The following PPP2R2C variants were observed in gnomAD, a reference collection of about 807,000 sequenced individuals.
PPP2R2C encodes protein phosphatase 2 regulatory subunit Bgamma, also known as protein phosphatase 2, regulatory subunit B, gamma.
In PPP2R2C, 10 loss-of-function variants were observed where a neutral mutation model predicts 45.3. That is an observed-to-expected ratio of 0.22 (90% CI 0.14 to 0.37). The LOEUF is 0.37. PPP2R2C is among the 10% of genes least tolerant of loss of function. The pLI is 1.00. For missense variants in PPP2R2C, 308 were observed against 619.7 expected (o/e 0.50, Z 5.34); for synonymous variants, 257 against 245.4 (o/e 1.05, Z -0.44).
intron 1 of PPP2R2C, among the ~76,000 whole-genome samples, chr4:6,540,679 C>G (rs1478132441): frequency 6.6e-6 from 1 of 152,238 alleles, no homozygotes; most frequent in Non-Finnish European, 1.5e-5. Context: ...TACACCATTT[C>G]ACGTTCCCAC....
intron 2 of PPP2R2C, among the ~76,000 whole-genome samples, chr4:6,511,576 G>A (rs1577229518): frequency 3.5e-5 from 1 of 28,984 alleles, no homozygotes; most frequent in African/African-American, 1.2e-4. Flanking sequence ...GGTGGTGATG[G>A]CGGTGGTGGT....
intron 1 of PPP2R2C, among the ~76,000 whole-genome samples, chr4:6,399,316 T>C (rs7699696): frequency 0.28 from 41,987 of 152,114 alleles, 6,568 homozygotes; most frequent in East Asian, 0.71. Context: ...GGAGAGGAAG[T>C]GCCAGCAGCC....
At chr4:6,393,619 C>T (rs1207864597) in intron 1 of PPP2R2C, among the ~76,000 whole-genome samples, 3 of 152,318 alleles carry the variant, frequency 2.0e-5, no homozygotes, top group South Asian at 4.1e-4. Flanking sequence ...GAGCCAGACC[C>T]AGCGTGGAAG....
At chr4:6,333,455 A>C in intron 7 of PPP2R2C, 107 bp downstream of exon 7, 1 of 1,296,738 alleles carries the variant, frequency 7.7e-7, no homozygotes, top group South Asian at 1.5e-5. Flanking sequence ...CTTCACCTAC[A>C]TACCGGGCAT....
At chr4:6,465,238 G>A (rs1490706860) in intron 1 of PPP2R2C, among the ~76,000 whole-genome samples, 1 of 152,200 alleles carries the variant, frequency 6.6e-6, no homozygotes, top group East Asian at 1.9e-4. Context: ...CCTGCGGGGA[G>A]AGGTAGGTCT....
At chr4:6,445,411 G>C (rs1560552467) in intron 1 of PPP2R2C, among the ~76,000 whole-genome samples, 1 of 152,206 alleles carries the variant, frequency 6.6e-6, no homozygotes, top group Non-Finnish European at 1.5e-5. Flanking sequence ...GTTTGCAAAA[G>C]GATAAGATGT....
At chr4:6,367,186 C>G (rs1345062614) in intron 5 of PPP2R2C, among the ~76,000 whole-genome samples, 1 of 151,950 alleles carries the variant, frequency 6.6e-6, no homozygotes, top group Admixed American at 6.6e-5. Flanking sequence ...TTCTCATTGT[C>G]CAATAGTCAA....
intron 2 of PPP2R2C, among the ~76,000 whole-genome samples, chr4:6,495,975 C>T (rs965153551): frequency 6.6e-6 from 1 of 152,218 alleles, no homozygotes; most frequent in African/African-American, 2.4e-5. Flanking sequence ...CCTCCCGGCT[C>T]TCCATGGCGG....
upstream of PPP2R2C, among the ~76,000 whole-genome samples, chr4:6,474,763 G>A (rs984038242): frequency 1.0e-4 from 15 of 147,932 alleles, no homozygotes; most frequent in African/African-American, 3.8e-4. Context: ...CAGTGTCTGG[G>A]CTCCTCCACA....
chr4:6,477,742 A>AAC (rs1722212474), intron 2 of PPP2R2C, among the ~76,000 whole-genome samples: 1 of 151,172 alleles, frequency 6.6e-6, no homozygotes, highest in Non-Finnish European at 1.5e-5. Context: ...AAAAAAAAAA[A>AAC]AAAAAAAAAA....
intron 2 of PPP2R2C, among the ~76,000 whole-genome samples, chr4:6,492,566 C>T (rs1409998576): frequency 1.3e-5 from 2 of 152,234 alleles, no homozygotes; most frequent in Non-Finnish European, 2.9e-5. Context: ...AACTGATAAT[C>T]CCTGGAGAAC....
At chr4:6,486,418 T>C (rs1167648685) in intron 2 of PPP2R2C, among the ~76,000 whole-genome samples, 1 of 152,078 alleles carries the variant, frequency 6.6e-6, no homozygotes, top group Non-Finnish European at 1.5e-5. Flanking sequence ...TCATATCTTC[T>C]ATTTTCTTAC....
intron 6 of PPP2R2C, among the ~76,000 whole-genome samples, chr4:6,347,262 T>A (rs1490557036): frequency 6.6e-6 from 1 of 152,162 alleles, no homozygotes; most frequent in Non-Finnish European, 1.5e-5. Context: ...GTGTTCAGTG[T>A]GAGCTGTTAT....
rs1437150819 is a variant in PPP2R2C at position 6,340,902 on chromosome 4, C to A, written c.790+6944G>T. Among the ~76,000 whole-genome samples, 4 of 152,272 alleles carry A rather than the reference C, an allele frequency of 2.6e-5. No homozygotes were observed. The East Asian group carries it at 7.7e-4, about 29-fold the overall frequency. On this transcript the variant is annotated intron_variant, in intron 6 of 8. Transcript: ENST00000382599. ...AGCCTCTGTATCCAGCCACAGGGCC[C>A]TCACATGGGCTGTTCCCACTGTTGG...
rs1406767356 is a variant in PPP2R2C at position 6,364,363 on chromosome 4, C to T, written c.625+8160G>A. Among the ~76,000 whole-genome samples the T allele has an allele frequency of 2.0e-5, 3 of 152,150 alleles. No individual in the cohort carries two copies. The highest frequency in any genetic ancestry group is 4.4e-5 in the Non-Finnish European group (3 of 68,032). On this transcript the variant is annotated intron_variant, in intron 5 of 8. Coordinates refer to ENST00000382599, the MANE Select transcript of PPP2R2C (RefSeq NM_020416.4). The surrounding 1 kb of genome is among the most constrained non-coding windows in gnomAD (Gnocchi z 5.3). ...GCAAAGGGAGAGAGGAGGAAGTGGG[C>T]CAGGGAGGGGCCAGGGCCAGCTCCT...
chr4:6,462,247 G>A (rs558742398), intron 1 of PPP2R2C, among the ~76,000 whole-genome samples: 210 of 152,282 alleles, frequency 1.4e-3, no homozygotes, highest in Non-Finnish European at 2.5e-3. Flanking sequence ...TAATAATGAA[G>A]GCAGATTATC....
intron 5 of PPP2R2C, among the ~76,000 whole-genome samples, chr4:6,372,025 C>A (rs1714870539): frequency 6.6e-6 from 1 of 152,188 alleles, no homozygotes; most frequent in Non-Finnish European, 1.5e-5. Flanking sequence ...CAGGAGAACA[C>A]CGAGCAGGGG....
At chr4:6,358,424 G>T (rs897485263) in intron 5 of PPP2R2C, among the ~76,000 whole-genome samples, 1 of 151,956 alleles carries the variant, frequency 6.6e-6, no homozygotes, top group Non-Finnish European at 1.5e-5. Flanking sequence ...ACATAGGCAT[G>T]GGCAAGGACT....
At chr4:6,491,023 C>A (rs1336941807) in intron 2 of PPP2R2C, among the ~76,000 whole-genome samples, 1 of 152,202 alleles carries the variant, frequency 6.6e-6, no homozygotes, top group Admixed American at 6.5e-5. Context: ...GGGCACCACC[C>A]CACGTAAACC....
Sources: gnomAD v4.1 joint callset for allele counts (sites outside exome capture counted in the v4.1 genomes callset) on GRCh38, gnomAD v4.1.1 for gene constraint, Gnocchi (gnomAD v3.1) non-coding constraint, MANE v1.5 for transcripts, NCBI Gene and HGNC (gene_info 2026-07-23, HGNC 2026-07-21) for gene names.